DUSP11: variants seen among roughly 807,000 people sequenced by gnomAD.
DUSP11 encodes the protein dual specificity phosphatase 11, also known as RNA/RNP complex-1-interacting phosphatase.
In DUSP11, 27 loss-of-function variants were observed where a neutral mutation model predicts 41.4. The observed-to-expected ratio is 0.65, with a 90% CI of 0.48 to 0.90. DUSP11 has a LOEUF of 0.90. Among genes scored for constraint, DUSP11 ranks in the 40% least tolerant of loss-of-function variants. The pLI, the probability that DUSP11 is intolerant of heterozygous loss-of-function variation, is 0.00. For synonymous variants in DUSP11, 188 were observed against 159.3 expected (o/e 1.18, Z -1.35); for missense variants, 465 against 461.1 (o/e 1.01, Z -0.08).
chr2:73,767,132 G>T (rs1323669167), intron 6 of DUSP11, 29 bp downstream of exon 6: 1 of 1,586,676 alleles, frequency 6.3e-7, no homozygotes, highest in Admixed American at 1.7e-5. Context: ...TTAATAAAAG[G>T]GAAAAATAGT....
intron 8 of DUSP11, among the ~76,000 whole-genome samples, chr2:73,763,990 T>C (rs1287460728): frequency 6.6e-6 from 1 of 152,226 alleles, no homozygotes; most frequent in Non-Finnish European, 1.5e-5. Flanking sequence ...GCTACAAGTT[T>C]TTCCACAACC....
At chr2:73,767,378 C>T (rs1047888023) in intron 5 of DUSP11, 171 bp from the exon 6 acceptor site, 8 of 538,288 alleles carry the variant, frequency 1.5e-5, no homozygotes, top group South Asian at 9.0e-5. Context: ...CACAAAAAGA[C>T]GTTTTTCAAG....
chr2:73,779,729 G>A (rs534579743), intron 1 of DUSP11, 145 bp downstream of exon 1: 2 of 1,230,368 alleles, frequency 1.6e-6, no homozygotes, highest in African/African-American at 3.0e-5. Context: ...ACAGCGGGTG[G>A]CGCAGAGGGT....
Position 73,763,075 on chromosome 2 carries a change from C to T in DUSP11, c.936-216G>A, listed in dbSNP as rs111965853. Among the ~76,000 whole-genome samples the T allele has an allele frequency of 3.6e-3, 548 of 152,072 alleles. 6 individuals are homozygous for T. Among genetic ancestry groups the T allele is most frequent in the African/African-American group, 0.013 (523 of 41,470 alleles). ...AAATGGGGCTAATAATACTTTTCAC[C>T]TTCACGAGCTGTTATGAAGCTAAAT... On this transcript the variant is annotated intron_variant, in intron 8 of 8. Coordinates refer to ENST00000272444, the Ensembl canonical transcript of DUSP11.
At chr2:73,779,586 G>C (rs1346436293) in intron 1 of DUSP11, 1 of 457,292 alleles carries the variant, frequency 2.2e-6, no homozygotes, top group African/African-American at 1.9e-5. Context: ...GGGAATTAAG[G>C]AGTGTCCCCA....
At chr2:73,779,963 C>A (rs557765293) in exon 1 of DUSP11, 3 of 1,614,248 alleles carry the variant, frequency 1.9e-6, no homozygotes, top group Non-Finnish European at 1.7e-6. Flanking sequence ...GGGGATGATG[C>A]CACTGGCTCA....
At chr2:73,775,248 T>G (rs938497202) in intron 2 of DUSP11, among the ~76,000 whole-genome samples, 1 of 152,196 alleles carries the variant, frequency 6.6e-6, no homozygotes, top group Non-Finnish European at 1.5e-5. Flanking sequence ...ATATATGTAT[T>G]TCTGTATTTG....
At chr2:73,779,838 C>T (rs376711371) in intron 1 of DUSP11, 36 bp downstream of exon 1, 5 of 1,609,518 alleles carry the variant, frequency 3.1e-6, no homozygotes, top group East Asian at 2.2e-5. Flanking sequence ...AAGCCACGAG[C>T]TGGAAAGGCC....
At chr2:73,771,784 G>T in intron 4 of DUSP11, among the ~76,000 whole-genome samples, 1 of 147,832 alleles carries the variant, frequency 6.8e-6, no homozygotes, top group Non-Finnish European at 1.5e-5. Flanking sequence ...TTACAGGCAT[G>T]AGCCATCGCG....
intron 4 of DUSP11, among the ~76,000 whole-genome samples, chr2:73,771,618 C>T (rs1234433591): frequency 1.3e-5 from 2 of 150,888 alleles, no homozygotes; most frequent in Non-Finnish European, 1.5e-5. Context: ...CTCAGCCTCC[C>T]GAGTAGCTGG....
intron 1 of DUSP11, among the ~76,000 whole-genome samples, 176 bp from the exon 2 acceptor site, chr2:73,778,552 C>CT (rs1672728328): frequency 6.6e-6 from 1 of 152,156 alleles, no homozygotes; most frequent in African/African-American, 2.4e-5. Flanking sequence ...TACCGTCCTT[C>CT]TCTCCTGTTT....
intron 5 of DUSP11, chr2:73,768,697 C>A: frequency 2.0e-6 from 2 of 984,136 alleles, no homozygotes; most frequent in Non-Finnish European, 2.4e-6. Flanking sequence ...TGGCTCACTC[C>A]TGTAATACCA....
Position 73,766,398 on chromosome 2 carries a change from G to A in DUSP11, c.935+20C>T, listed in dbSNP as rs1325737409. ...TAATTTCTATCTCAATTCTAGAAAA[G>A]GGAAAACAGAGAGAGGTACCTGACT... is the stretch of plus-strand genomic sequence containing the variant. On this transcript the variant is annotated intron_variant, in intron 8 of 8. Transcript: ENST00000272444. 6.9e-6 allele frequency: 11 copies of A among 1,585,318 alleles called. No individual in the cohort carries two copies. The highest frequency in any genetic ancestry group is 9.4e-6 in the Non-Finnish European group (11 of 1,166,994).
At chr2:73,768,627 C>T (rs1435610117) in intron 5 of DUSP11, 30 of 985,190 alleles carry the variant, frequency 3.0e-5, no homozygotes, top group Non-Finnish European at 3.6e-5. Flanking sequence ...CTTTTGTGTT[C>T]ATCGGTGTGC....
intron 5 of DUSP11, chr2:73,768,119 C>G (rs551650536): frequency 1.3e-5 from 2 of 152,360 alleles, no homozygotes; most frequent in East Asian, 3.9e-4. Context: ...TCTGCTGATC[C>G]TTACGTTCAG....
intron 8 of DUSP11, among the ~76,000 whole-genome samples, chr2:73,764,486 A>G (rs1381953087): frequency 1.3e-5 from 2 of 152,202 alleles, no homozygotes; most frequent in Non-Finnish European, 1.5e-5. Flanking sequence ...GTTTAAATTC[A>G]TGTTAACTGT....
At chr2:73,771,739 T>A (rs1672582701) in intron 4 of DUSP11, among the ~76,000 whole-genome samples, 1 of 150,514 alleles carries the variant, frequency 6.6e-6, no homozygotes, top group African/African-American at 2.4e-5. Flanking sequence ...CCTGACCTCA[T>A]GATCTGCCCA....
intron 2 of DUSP11, among the ~76,000 whole-genome samples, chr2:73,776,919 C>A (rs1037769863): frequency 1.3e-5 from 2 of 152,186 alleles, no homozygotes; most frequent in Non-Finnish European, 2.9e-5. Flanking sequence ...CAATATATAA[C>A]ATGTATCCAC....
intron 8 of DUSP11, 52 bp downstream of exon 8, chr2:73,766,364 CTA>C: frequency 7.1e-7 from 1 of 1,402,196 alleles, no homozygotes; most frequent in Non-Finnish European, 9.7e-7. Context: ...TTTTCATTAA[CTA>C]TAGTATTAAT....
Sources: gnomAD v4.1 joint callset for allele counts (sites outside exome capture counted in the v4.1 genomes callset) on GRCh38, gnomAD v4.1.1 for gene constraint, MANE v1.5 for transcripts, NCBI Gene and HGNC (gene_info 2026-07-23, HGNC 2026-07-21) for gene names.